The following KCNMA1 variants were observed in gnomAD, a reference collection of about 807,000 sequenced individuals.
KCNMA1 encodes the protein Calcium-activated potassium channel subunit alpha-1.
In KCNMA1, 29 loss-of-function variants were observed where a neutral mutation model predicts 140.0. That is an observed-to-expected ratio of 0.21 (90% CI 0.15 to 0.28). The LOEUF is 0.28. Ranked by LOEUF, KCNMA1 falls within the 10% of genes least tolerant of loss-of-function variation. The pLI, the probability that KCNMA1 is intolerant of heterozygous loss-of-function variation, is 1.00. For missense variants in KCNMA1, 880 were observed against 1,602.2 expected, an observed-to-expected ratio of 0.55 and a Z score of 7.70; for synonymous variants, 612 against 611.9, an observed-to-expected ratio of 1.00 and a Z score of 0.00.
At chr10:77,046,102 G>T (rs563670745) in intron 14 of KCNMA1, among the ~76,000 whole-genome samples, 113 of 152,262 alleles carry the variant, frequency 7.4e-4, no homozygotes, top group African/African-American at 2.6e-3. Context: ...CCCAAAACAG[G>T]TAGTAGAAGG....
chr10:77,060,231 G>T (rs2095688982), intron 14 of KCNMA1, among the ~76,000 whole-genome samples: 1 of 152,154 alleles, frequency 6.6e-6, no homozygotes, highest in Non-Finnish European at 1.5e-5. Flanking sequence ...TATATGGAAA[G>T]ACAAGGACAC....
At chr10:77,554,597 C>CAAAAAAAAAAAAAAA (rs59754706) in intron 1 of KCNMA1, among the ~76,000 whole-genome samples, 3 of 84,092 alleles carry the variant, frequency 3.6e-5, no homozygotes, top group Non-Finnish European at 4.7e-5. Context: ...TACTCCATCT[C>CAAAAAAAAAAAAAAA]AAAAAAAAAA....
intron 14 of KCNMA1, among the ~76,000 whole-genome samples, chr10:77,043,402 A>C (rs1298914636): frequency 6.6e-6 from 1 of 152,258 alleles, no homozygotes; most frequent in Non-Finnish European, 1.5e-5. Flanking sequence ...GTGGGAATGT[A>C]AAGTGGCACA....
At chr10:77,403,081 C>T (rs2096331848) in intron 2 of KCNMA1, among the ~76,000 whole-genome samples, 1 of 152,162 alleles carries the variant, frequency 6.6e-6, no homozygotes, top group Non-Finnish European at 1.5e-5. Context: ...ACCCCTCAGT[C>T]TCAGGCAAAC....
chr10:77,116,300 T>C (rs2097463256), intron 6 of KCNMA1, among the ~76,000 whole-genome samples: 1 of 152,154 alleles, frequency 6.6e-6, no homozygotes, highest in South Asian at 2.1e-4. Context: ...CACAGGATTC[T>C]TGTAGATTAG....
intron 21 of KCNMA1, among the ~76,000 whole-genome samples, chr10:76,950,196 T>C (rs2065732615): frequency 6.6e-6 from 1 of 152,216 alleles, no homozygotes; most frequent in Non-Finnish European, 1.5e-5. Context: ...TTTTTCATTA[T>C]ATGACTTATT....
chr10:77,018,582 A>T (rs2092460832), intron 17 of KCNMA1, among the ~76,000 whole-genome samples: 1 of 152,210 alleles, frequency 6.6e-6, no homozygotes, highest in South Asian at 2.1e-4. Flanking sequence ...ATTCCATCTG[A>T]AATTAATCCC....
At chr10:77,176,436 G>A (rs948075440) in intron 5 of KCNMA1, among the ~76,000 whole-genome samples, 8 of 152,122 alleles carry the variant, frequency 5.3e-5, no homozygotes, top group African/African-American at 1.9e-4. Flanking sequence ...AGTCTGTCTA[G>A]TAACTCACCT....
At chr10:77,541,998 G>GT (rs1171164441) in intron 1 of KCNMA1, among the ~76,000 whole-genome samples, 4 of 152,152 alleles carry the variant, frequency 2.6e-5, no homozygotes, top group Non-Finnish European at 5.9e-5. Flanking sequence ...CTTTGCAATG[G>GT]TTTGAATATT....
chr10:77,063,360 C>A (rs979869060), intron 14 of KCNMA1, among the ~76,000 whole-genome samples: 3 of 151,888 alleles, frequency 2.0e-5, no homozygotes, highest in African/African-American at 7.3e-5. Flanking sequence ...GGCTGGGTTG[C>A]TGGGGGAGAG....
chr10:77,084,424 G>C (rs975436123), intron 12 of KCNMA1, among the ~76,000 whole-genome samples: 1 of 152,200 alleles, frequency 6.6e-6, no homozygotes, highest in Non-Finnish European at 1.5e-5. Flanking sequence ...CACCTGCTGA[G>C]GGTGAGCTTC....
chr10:77,416,927 T>C (rs141334750), intron 1 of KCNMA1, among the ~76,000 whole-genome samples: 2 of 152,330 alleles, frequency 1.3e-5, no homozygotes, highest in African/African-American at 4.8e-5. Flanking sequence ...GCCCTAAGCA[T>C]AGAAGTCAAA....
chr10:77,467,367 T>C (rs973355318), intron 1 of KCNMA1, among the ~76,000 whole-genome samples: 1 of 152,220 alleles, frequency 6.6e-6, no homozygotes, highest in Non-Finnish European at 1.5e-5. Context: ...TCCGAAGCAG[T>C]TGTCTTCACT....
At chr10:76,972,546 C>T (rs1030192736) in intron 19 of KCNMA1, among the ~76,000 whole-genome samples, 7 of 152,292 alleles carry the variant, frequency 4.6e-5, no homozygotes, top group African/African-American at 1.7e-4. Flanking sequence ...AAGTTAATAC[C>T]TGTTAGCCAG....
chr10:77,629,669 C>T (rs1202839670), intron 1 of KCNMA1, among the ~76,000 whole-genome samples: 3 of 152,142 alleles, frequency 2.0e-5, no homozygotes, highest in African/African-American at 7.2e-5. Flanking sequence ...TTCCTCTGCT[C>T]AGCCTGTCAA....
intron 3 of KCNMA1, among the ~76,000 whole-genome samples, chr10:77,242,899 TACACACACACACACACACACACAC>T (rs199668848): frequency 9.0e-6 from 1 of 111,578 alleles, no homozygotes; most frequent in African/African-American, 3.4e-5. Context: ...AATTGTTTCC[TACACACACACACACACACACACAC>T]ACACACACAC....
At chr10:76,939,011 T>C (rs1249085594) in intron 23 of KCNMA1, 2 of 152,264 alleles carry the variant, frequency 1.3e-5, no homozygotes, top group Non-Finnish European at 2.9e-5. Context: ...TTTAAATTTT[T>C]ATATTTGTTA....
At chr10:77,140,310 A>T (rs2154021024) in intron 5 of KCNMA1, 1 of 152,860 alleles carries the variant, frequency 6.5e-6, no homozygotes, top group Middle Eastern at 3.4e-3. Context: ...ATGCACAAAC[A>T]CCACAGCAAG....
At chr10:77,621,761 C>T (rs2091466058) in intron 1 of KCNMA1, among the ~76,000 whole-genome samples, 1 of 152,110 alleles carries the variant, frequency 6.6e-6, no homozygotes, top group South Asian at 2.1e-4. Context: ...AACTCCATCT[C>T]CACCAAAAAT....
Sources: gnomAD v4.1 joint callset for allele counts (sites outside exome capture counted in the v4.1 genomes callset) on GRCh38, gnomAD v4.1.1 for gene constraint, MANE v1.5 for transcripts, NCBI Gene and HGNC (gene_info 2026-07-23, HGNC 2026-07-21) for gene names.